Variants in PTPRA observed in about 807,000 individuals in gnomAD.
PTPRA encodes the protein protein tyrosine phosphatase receptor type A.
PTPRA carries 25 observed loss-of-function variants against 104.8 expected under a neutral mutation model. That is an observed-to-expected ratio of 0.24 (90% CI 0.17 to 0.33). The LOEUF (loss-of-function observed/expected upper bound fraction) is 0.33, where lower values mean the gene tolerates loss of function less well. Ranked by LOEUF, PTPRA falls within the 10% of genes least tolerant of loss-of-function variation. PTPRA has a pLI of 1.00. For synonymous variants in PTPRA, 323 were observed against 368.9 expected, an observed-to-expected ratio of 0.88 and a Z score of 1.43; for missense variants, 765 against 1,015.3, an observed-to-expected ratio of 0.75 and a Z score of 3.35.
intron 1 of PTPRA, among the ~76,000 whole-genome samples, chr20:2,918,813 T>C (rs904928302): frequency 1.3e-5 from 2 of 152,172 alleles, no homozygotes; most frequent in African/African-American, 4.8e-5. Flanking sequence ...TAAGAGCAGA[T>C]TTTGGAGTCA....
In PTPRA at chr20:3,005,430, G is replaced by A. The variant is rs543009702; in HGVS notation, c.829+284G>A. ...CCAGGCATGGTGGTGTGTGTCTGTC[G>A]TCCCAGCTACTCAGGAGGCTGAGGT... On this transcript the variant is annotated intron_variant, in intron 10 of 23. Transcript: ENST00000399903. Among the ~76,000 whole-genome samples, 79 of 152,096 alleles carry A rather than the reference G, an allele frequency of 5.2e-4. No homozygotes were observed. The South Asian group carries it at 9.6e-3, about 18-fold the overall frequency.
At chr20:2,995,407 T>C (rs541292969) in intron 9 of PTPRA, among the ~76,000 whole-genome samples, 1 of 152,320 alleles carries the variant, frequency 6.6e-6, no homozygotes, top group East Asian at 1.9e-4. Context: ...CATGAGCTAC[T>C]GTGCCTGGCC....
chr20:2,919,217 G>A lies in PTPRA; in HGVS notation c.-128-3990G>A, dbSNP rs150333613. 4.8e-3 allele frequency among the ~76,000 whole-genome samples: 736 copies of A among 152,236 alleles called. 7 individuals carry two copies. Among genetic ancestry groups the A allele is most frequent in the African/African-American group, 0.017 (691 of 41,530 alleles). The stretch of plus-strand genomic sequence containing the variant: ...TAAGCAGTTATTAAAGAATCGAATA[G>A]CAATGATCATTACGACTTGTGCTTA... On this transcript the variant is annotated intron_variant, in intron 1 of 23. Coordinates refer to ENST00000399903, the MANE Select transcript of PTPRA (RefSeq NM_001385305.1).
intron 1 of PTPRA, among the ~76,000 whole-genome samples, chr20:2,891,813 G>A (rs1204512326): frequency 1.3e-5 from 2 of 152,080 alleles, no homozygotes; most frequent in African/African-American, 2.4e-5. Flanking sequence ...ATATTTGCAT[G>A]TAACCTATGC....
intron 13 of PTPRA, among the ~76,000 whole-genome samples, chr20:3,018,962 C>T (rs2064647746): frequency 7.4e-6 from 1 of 134,382 alleles, no homozygotes; most frequent in African/African-American, 2.8e-5. Flanking sequence ...CCGGACGGGG[C>T]GGCTGGCCGG....
intron 3 of PTPRA, among the ~76,000 whole-genome samples, chr20:2,952,377 T>G (rs2061383056): frequency 6.6e-6 from 1 of 152,226 alleles, no homozygotes; most frequent in Non-Finnish European, 1.5e-5. Flanking sequence ...GATAAAAATA[T>G]CTGTTCAAAT....
At chr20:2,993,290 C>T (rs763339241) in intron 9 of PTPRA, among the ~76,000 whole-genome samples, 17 of 152,194 alleles carry the variant, frequency 1.1e-4, no homozygotes, top group Non-Finnish European at 1.9e-4. Context: ...GATACCCTGA[C>T]GTGCTGCAGG....
At chr20:2,980,531 C>T (rs965391900) in intron 6 of PTPRA, among the ~76,000 whole-genome samples, 1 of 151,602 alleles carries the variant, frequency 6.6e-6, no homozygotes, top group Non-Finnish European at 1.5e-5. Context: ...GCCTGGGTGA[C>T]GGAGTGAGAC....
At chr20:3,017,078 T>G (rs1404589014) in intron 12 of PTPRA, among the ~76,000 whole-genome samples, 1 of 152,218 alleles carries the variant, frequency 6.6e-6, no homozygotes, top group Non-Finnish European at 1.5e-5. Flanking sequence ...TCATTGTGTT[T>G]TTTATATACC....
the PTPRA span, among the ~76,000 whole-genome samples, chr20:2,867,297 G>C: frequency 2.0e-5 from 3 of 152,224 alleles, no homozygotes; most frequent in African/African-American, 4.8e-5. Flanking sequence ...ATAGGGGTCA[G>C]GGGGTGGTGG....
At chr20:2,973,213 G>A (rs1371889263) in intron 5 of PTPRA, among the ~76,000 whole-genome samples, 2 of 150,196 alleles carry the variant, frequency 1.3e-5, no homozygotes, top group East Asian at 1.9e-4. Flanking sequence ...TTGCTATTGT[G>A]CATTTATAGT....
intron 1 of PTPRA, among the ~76,000 whole-genome samples, chr20:2,901,929 A>T (rs2059253002): frequency 1.3e-5 from 2 of 151,282 alleles, no homozygotes. Flanking sequence ...TCTGTCACCC[A>T]GGCTAGAGTG....
At chr20:2,898,488 A>T (rs1176384831) in intron 1 of PTPRA, among the ~76,000 whole-genome samples, 1 of 151,552 alleles carries the variant, frequency 6.6e-6, no homozygotes, top group Non-Finnish European at 1.5e-5. Context: ...TGCTGAGATT[A>T]TAGGCATGAG....
At chr20:2,866,926 G>T in the PTPRA span, among the ~76,000 whole-genome samples, 1 of 152,244 alleles carries the variant, frequency 6.6e-6, no homozygotes, top group Non-Finnish European at 1.5e-5. Flanking sequence ...CTCCTAGGAA[G>T]ATTATAGGGA....
chr20:2,914,002 T>G (rs2059809569), intron 1 of PTPRA, among the ~76,000 whole-genome samples: 1 of 152,210 alleles, frequency 6.6e-6, no homozygotes, highest in Non-Finnish European at 1.5e-5. Flanking sequence ...AAAAACTGTT[T>G]TCTTCCCATT....
At chr20:2,977,570 A>G (rs1362320209) in intron 6 of PTPRA, among the ~76,000 whole-genome samples, 2 of 151,304 alleles carry the variant, frequency 1.3e-5, no homozygotes, top group Non-Finnish European at 2.9e-5. Context: ...ACCTGAGCCC[A>G]GGAAATGGAG....
chr20:3,024,680 T>C (rs1020687168), intron 17 of PTPRA, 59 bp downstream of exon 17: 6 of 1,591,998 alleles, frequency 3.8e-6, no homozygotes, highest in South Asian at 1.1e-5. Context: ...CTGGGGAACA[T>C]GGGATGCCTG....
intron 2 of PTPRA, among the ~76,000 whole-genome samples, chr20:2,927,151 G>T (rs919226205): frequency 6.6e-6 from 1 of 151,818 alleles, no homozygotes; most frequent in Non-Finnish European, 1.5e-5. Context: ...CCTCATGATC[G>T]CCCTCCTCAG....
At position 2,896,336 on chromosome 20, in the gene PTPRA, G is replaced by A. The variant is rs139896720; in HGVS notation, c.-129+22576G>A. Among the ~76,000 whole-genome samples the A allele has an allele frequency of 2.5e-3, 374 of 152,298 alleles. 2 individuals carry two copies. In the South Asian group the frequency reaches 0.027, roughly 11 times the overall value. On this transcript the variant is annotated intron_variant, in intron 1 of 23. Coordinates refer to ENST00000399903, the MANE Select transcript of PTPRA (RefSeq NM_001385305.1). ...GGAGGTTGCAGTGAGCCGAGATAGT[G>A]CCACTGCAATCCAGCCTGTGCAACA...
Sources: gnomAD v4.1 joint callset for allele counts (sites outside exome capture counted in the v4.1 genomes callset) on GRCh38, gnomAD v4.1.1 for gene constraint, MANE v1.5 for transcripts, NCBI Gene and HGNC (gene_info 2026-07-23, HGNC 2026-07-21) for gene names.